DMRT1: variants seen among roughly 807,000 people sequenced by gnomAD.
The protein encoded by DMRT1 is doublesex- and mab-3-related transcription factor 1.
In DMRT1, 7 loss-of-function variants were observed where a neutral mutation model predicts 32.3. That is an observed-to-expected ratio of 0.22 (90% CI 0.12 to 0.41). The LOEUF (loss-of-function observed/expected upper bound fraction) is 0.41. Ranked by LOEUF, DMRT1 falls within the 10% of genes least tolerant of loss-of-function variation. The pLI is 1.00. For synonymous variants in DMRT1, 278 were observed against 206.1 expected (o/e 1.35, Z -2.99); for missense variants, 625 against 500.5 (o/e 1.25, Z -2.37).
At chr9:960,322 C>T (rs951799970) in intron 4 of DMRT1, among the ~76,000 whole-genome samples, 5 of 152,232 alleles carry the variant, frequency 3.3e-5, no homozygotes, top group African/African-American at 1.2e-4. Flanking sequence ...CAAGAACATT[C>T]AGAGGTGTTG....
intron 4 of DMRT1, among the ~76,000 whole-genome samples, chr9:933,519 A>C (rs2129871399): frequency 6.6e-6 from 1 of 152,270 alleles, no homozygotes; most frequent in East Asian, 1.9e-4. Context: ...GGGTGACCTT[A>C]TCTCTCCTGA....
intron 4 of DMRT1, among the ~76,000 whole-genome samples, chr9:919,906 A>C (rs781131673): frequency 6.6e-6 from 1 of 152,206 alleles, no homozygotes; most frequent in Non-Finnish European, 1.5e-5. Flanking sequence ...AGAGGAGTGA[A>C]GGATGACTCC....
intron 4 of DMRT1, among the ~76,000 whole-genome samples, chr9:936,929 A>G (rs1018721579): frequency 6.6e-6 from 1 of 152,188 alleles, no homozygotes; most frequent in African/African-American, 2.4e-5. Flanking sequence ...AACCATCACC[A>G]CTATCTATTT....
intron 2 of DMRT1, among the ~76,000 whole-genome samples, chr9:877,379 G>A (rs1012950179): frequency 2.0e-5 from 3 of 152,206 alleles, no homozygotes; most frequent in African/African-American, 7.2e-5. Flanking sequence ...CGATGGTAGA[G>A]GAGACAAAGA....
chr9:886,127 T>G (rs1324105686), intron 2 of DMRT1, among the ~76,000 whole-genome samples: 1 of 152,176 alleles, frequency 6.6e-6, no homozygotes, highest in Non-Finnish European at 1.5e-5. Context: ...GCCATGCAGT[T>G]TTAAAAGTCC....
chr9:927,048 A>G (rs1818549326), intron 4 of DMRT1, among the ~76,000 whole-genome samples: 3 of 152,170 alleles, frequency 2.0e-5, no homozygotes, highest in Admixed American at 2.0e-4. Flanking sequence ...CTCACTCATG[A>G]GATTTCCTCA....
intron 2 of DMRT1, among the ~76,000 whole-genome samples, chr9:889,122 A>T (rs1206518922): frequency 6.6e-6 from 1 of 152,194 alleles, no homozygotes; most frequent in African/African-American, 2.4e-5. Flanking sequence ...CAGGGACCAC[A>T]CTGTGCGAAC....
chr9:883,230 A>G (rs1464327478), intron 2 of DMRT1, among the ~76,000 whole-genome samples: 1 of 151,306 alleles, frequency 6.6e-6, no homozygotes, highest in East Asian at 1.9e-4. Context: ...CACACCAAGA[A>G]AAAAAAAAGG....
chr9:853,095 G>C (rs2132556831), intron 2 of DMRT1, among the ~76,000 whole-genome samples: 1 of 152,210 alleles, frequency 6.6e-6, no homozygotes, highest in African/African-American at 2.4e-5. Flanking sequence ...CAATTTTTTA[G>C]AGCAGTTTTA....
At chr9:934,420 A>T (rs1564261462) in intron 4 of DMRT1, among the ~76,000 whole-genome samples, 1 of 152,204 alleles carries the variant, frequency 6.6e-6, no homozygotes, top group Non-Finnish European at 1.5e-5. Context: ...AGTCCTAGCT[A>T]TTCAGGAGGC....
chr9:872,864 G>C (rs76204423), intron 2 of DMRT1, among the ~76,000 whole-genome samples: 1 of 152,114 alleles, frequency 6.6e-6, no homozygotes, highest in Non-Finnish European at 1.5e-5. Context: ...TTCAAAAGCG[G>C]GTGCACCGTT....
intron 1 of DMRT1, chr9:842,571 G>A (rs2132533346): frequency 4.6e-6 from 1 of 215,810 alleles, no homozygotes; most frequent in South Asian, 7.3e-5. Flanking sequence ...CCCCCAGCAT[G>A]GCCGTTGCCA....
chr9:896,944 T>C (rs75994779), intron 3 of DMRT1, among the ~76,000 whole-genome samples: 2,003 of 152,240 alleles, frequency 0.013, 40 homozygotes, highest in African/African-American at 0.046. Context: ...ATTGAAGTCA[T>C]TAGGTTGATA....
intron 2 of DMRT1, among the ~76,000 whole-genome samples, chr9:862,986 C>T (rs1219336956): frequency 6.6e-6 from 1 of 151,912 alleles, no homozygotes; most frequent in East Asian, 1.9e-4. Flanking sequence ...CCTGGATTTT[C>T]CGGATGGGCA....
intron 3 of DMRT1, among the ~76,000 whole-genome samples, chr9:905,031 G>A (rs1465931510): frequency 2.0e-5 from 3 of 152,284 alleles, no homozygotes; most frequent in East Asian, 3.9e-4. Flanking sequence ...GGAAAGATGA[G>A]CCCTTGCTGT....
chr9:889,700 A>T (rs935703495), intron 2 of DMRT1, among the ~76,000 whole-genome samples: 4 of 152,150 alleles, frequency 2.6e-5, no homozygotes, highest in African/African-American at 7.2e-5. Context: ...AAATTCAAGA[A>T]CTTGTGCTGT....
intron 2 of DMRT1, among the ~76,000 whole-genome samples, chr9:890,534 C>A (rs764897977): frequency 4.0e-5 from 6 of 150,194 alleles, no homozygotes; most frequent in Admixed American, 2.6e-4. Context: ...TAGATCTCAG[C>A]CAGACCTTCC....
chr9:848,100 A>T (rs1375762646), intron 2 of DMRT1, among the ~76,000 whole-genome samples: 1 of 152,244 alleles, frequency 6.6e-6, no homozygotes, highest in African/African-American at 2.4e-5. Context: ...AAATGTCTTT[A>T]AAGTGTTCTA....
At chr9:889,152 A>G (rs1335581341) in intron 2 of DMRT1, among the ~76,000 whole-genome samples, 1 of 152,170 alleles carries the variant, frequency 6.6e-6, no homozygotes. Flanking sequence ...AGACACATGT[A>G]GCTTGACAGA....
Sources: gnomAD v4.1 joint callset for allele counts (sites outside exome capture counted in the v4.1 genomes callset) on GRCh38, gnomAD v4.1.1 for gene constraint, MANE v1.5 for transcripts, NCBI Gene and HGNC (gene_info 2026-07-23, HGNC 2026-07-21) for gene names.